The following CENPH variants were observed in gnomAD, a reference collection of about 807,000 sequenced individuals.
CENPH encodes CENP-H.
Under a neutral mutation model 42.9 loss-of-function variants are expected in CENPH, and 40 were observed. The ratio of observed to expected loss-of-function variants is 0.93; its 90% CI spans 0.72 to 1.21. The LOEUF (loss-of-function observed/expected upper bound fraction) is 1.21, where lower values mean the gene tolerates loss of function less well. Ranked by LOEUF, CENPH falls within the 50% of genes most tolerant of loss-of-function variation. The pLI, the probability that CENPH is intolerant of heterozygous loss-of-function variation, is 0.00. For missense variants in CENPH, 302 were observed against 292.9 expected (o/e 1.03, Z -0.23); for synonymous variants, 88 against 96.5 (o/e 0.91, Z 0.52).
At chr5:69,206,946 G>A (rs1748169888) in intron 7 of CENPH, among the ~76,000 whole-genome samples, 1 of 151,894 alleles carries the variant, frequency 6.6e-6, no homozygotes, top group Non-Finnish European at 1.5e-5. Context: ...CGAACTTCTG[G>A]CAATCTTCCT....
intron 1 of CENPH, among the ~76,000 whole-genome samples, chr5:69,190,252 C>T: frequency 6.6e-6 from 1 of 152,226 alleles, no homozygotes; most frequent in East Asian, 1.9e-4. Flanking sequence ...GGACATTCGT[C>T]TTCTAAACTA....
At chr5:69,197,972 G>C (rs1325788131) in intron 5 of CENPH, among the ~76,000 whole-genome samples, 3 of 133,992 alleles carry the variant, frequency 2.2e-5, no homozygotes. Context: ...CCAGGCCGGA[G>C]TGCAGTGGCA....
chr5:69,191,539 A>AT (rs1284682175), intron 1 of CENPH, among the ~76,000 whole-genome samples: 6 of 152,036 alleles, frequency 3.9e-5, no homozygotes, highest in African/African-American at 1.2e-4. Flanking sequence ...TTAAACACCA[A>AT]TTTTTTAACT....
chr5:69,197,528 A>T (rs1005072091), intron 5 of CENPH: 24 of 152,838 alleles, frequency 1.6e-4, no homozygotes, highest in African/African-American at 5.8e-4. Context: ...AAAGACTAGC[A>T]GGTCTCAGCA....
At chr5:69,189,915 T>G in intron 1 of CENPH, 147 bp downstream of exon 1, 15 of 933,438 alleles carry the variant, frequency 1.6e-5, no homozygotes, top group East Asian at 3.1e-5. Context: ...GTTGAAGCTC[T>G]TTCTTCATCA....
At chr5:69,197,829 AATT>A (rs1468439382) in intron 5 of CENPH, among the ~76,000 whole-genome samples, 3 of 150,780 alleles carry the variant, frequency 2.0e-5, no homozygotes, top group East Asian at 1.9e-4. Flanking sequence ...AAAAAATAAA[AATT>A]ATTATGAGCA....
chr5:69,195,901 G>C, intron 4 of CENPH, 110 bp downstream of exon 4: 1 of 627,660 alleles, frequency 1.6e-6, no homozygotes, highest in Non-Finnish European at 2.8e-6. Flanking sequence ...CAAGCACAGT[G>C]ATGATTAGAT....
At chr5:69,189,796 G>C in intron 1 of CENPH, 28 bp downstream of exon 1, 1 of 1,420,294 alleles carries the variant, frequency 7.0e-7, no homozygotes, top group African/African-American at 1.5e-5. Flanking sequence ...CCTCAGCCGG[G>C]GCCAAGTGGG....
intron 7 of CENPH, among the ~76,000 whole-genome samples, chr5:69,205,041 T>C (rs529021135): frequency 1.3e-4 from 20 of 149,668 alleles, no homozygotes; most frequent in Non-Finnish European, 2.1e-4. Flanking sequence ...GTCTCAGCCT[T>C]CTGAGTAGCT....
chr5:69,207,427 G>C (rs1748177602), intron 7 of CENPH, among the ~76,000 whole-genome samples: 1 of 151,760 alleles, frequency 6.6e-6, no homozygotes, highest in South Asian at 2.1e-4. Context: ...GACCTCAGGT[G>C]ATCCGCCCAC....
intron 5 of CENPH, among the ~76,000 whole-genome samples, chr5:69,199,132 G>C (rs539235964): frequency 1.3e-5 from 2 of 152,252 alleles, no homozygotes; most frequent in Admixed American, 1.3e-4. Flanking sequence ...AAAGAGAGGG[G>C]AGATCAGTCT....
chr5:69,197,215 A>C (rs1191778679), intron 5 of CENPH, 106 bp downstream of exon 5: 2 of 600,294 alleles, frequency 3.3e-6, no homozygotes, highest in African/African-American at 1.9e-5. Context: ...TTGTCTGGGG[A>C]ATAAGGAAAG....
At chr5:69,199,385 G>C (rs1330945082) in intron 5 of CENPH, among the ~76,000 whole-genome samples, 1 of 152,182 alleles carries the variant, frequency 6.6e-6, no homozygotes, top group Non-Finnish European at 1.5e-5. Flanking sequence ...ATGTTGCCCA[G>C]GCTGGTCGCG....
intron 1 of CENPH, among the ~76,000 whole-genome samples, chr5:69,191,112 C>T (rs983757442): frequency 6.6e-6 from 1 of 152,118 alleles, no homozygotes; most frequent in African/African-American, 2.4e-5. Flanking sequence ...TGTTATTTTT[C>T]TGTATCTCCT....
intron 7 of CENPH, among the ~76,000 whole-genome samples, chr5:69,207,543 C>T (rs1426819584): frequency 6.6e-6 from 1 of 151,294 alleles, no homozygotes; most frequent in Non-Finnish European, 1.5e-5. Context: ...CGCGGTGGCT[C>T]ACGCCTGTAA....
In CENPH at chr5:69,209,697, T is replaced by A. The variant is rs1394758400; in HGVS notation, c.652-10T>A. 3 of 1,469,538 alleles carry A rather than the reference T, an allele frequency of 2.0e-6. No individual in the cohort carries two copies. Among genetic ancestry groups the A allele is most frequent in the Non-Finnish European group, 2.8e-6 (3 of 1,069,682 alleles). 91.0% of individuals were successfully genotyped at this position (1,469,538 alleles called of 1,614,324 possible). ...ACTTGTAACTTTAAAACAATTTTTT[T>A]TCTTTACAGAACCTTATTTTGGGGA... is the stretch of plus-strand genomic sequence containing the variant. On this transcript the variant is annotated splice_polypyrimidine_tract_variant and intron_variant, in intron 8 of 8. Coordinates refer to ENST00000283006, the MANE Select transcript of CENPH (RefSeq NM_022909.4).
intron 2 of CENPH, among the ~76,000 whole-genome samples, 197 bp downstream of exon 2, chr5:69,192,047 G>A (rs760408785): frequency 2.0e-5 from 3 of 152,042 alleles, no homozygotes; most frequent in Admixed American, 6.6e-5. Context: ...TACTGCGCCC[G>A]TCTAATTTTC....
At position 69,197,968 on chromosome 5, in the gene CENPH, C is replaced by T. The variant is rs1416086071; in HGVS notation, c.371+859C>T. 7.6e-5 allele frequency among the ~76,000 whole-genome samples: 10 copies of T among 131,486 alleles called. No homozygotes were observed. In the East Asian group the frequency reaches 1.4e-3, roughly 18 times the overall value. 86.3% of individuals were successfully genotyped at this position (131,486 alleles called of 152,430 possible). A position where few individuals can be genotyped will look rare whatever the true frequency, so the allele number is the denominator to read the frequency against. ...GACAGTCTTGCTCTGTCGCCCAGGC[C>T]GGAGTGCAGTGGCACGATCTCGGCT... On this transcript the variant is annotated intron_variant, in intron 5 of 8. Coordinates refer to ENST00000283006, the MANE Select transcript of CENPH (RefSeq NM_022909.4).
intron 1 of CENPH, among the ~76,000 whole-genome samples, chr5:69,191,132 C>T (rs182044061): frequency 6.6e-6 from 1 of 152,126 alleles, no homozygotes; most frequent in Non-Finnish European, 1.5e-5. Context: ...TGATAAAAAT[C>T]TGTGTTTGTA....
Sources: gnomAD v4.1 joint callset for allele counts (sites outside exome capture counted in the v4.1 genomes callset) on GRCh38, gnomAD v4.1.1 for gene constraint, MANE v1.5 for transcripts, NCBI Gene and HGNC (gene_info 2026-07-23, HGNC 2026-07-21) for gene names.